Variants in PCDH15 observed in about 807,000 individuals in gnomAD.
PCDH15 encodes the protein protocadherin-15.
Under a neutral mutation model 178.5 loss-of-function variants are expected in PCDH15, and 129 were observed. The ratio of observed to expected loss-of-function variants is 0.72; its 90% CI spans 0.63 to 0.84. The LOEUF is 0.84. Among genes scored for constraint, PCDH15 ranks in the 40% least tolerant of loss-of-function variants. PCDH15 has a pLI of 0.00. For synonymous variants in PCDH15, 800 were observed against 732.0 expected, an observed-to-expected ratio of 1.09 and a Z score of -1.50; for missense variants, 2,230 against 2,099.9, an observed-to-expected ratio of 1.06 and a Z score of -1.21.
At chr10:54,739,186 T>A (rs181217514) in intron 1 of PCDH15, among the ~76,000 whole-genome samples, 2 of 151,896 alleles carry the variant, frequency 1.3e-5, no homozygotes, top group Non-Finnish European at 2.9e-5. Context: ...AGGATTCCAC[T>A]AGAAACCGTT....
chr10:54,546,835 G>T (rs1032698930), intron 2 of PCDH15, among the ~76,000 whole-genome samples: 2 of 152,068 alleles, frequency 1.3e-5, no homozygotes. Context: ...CTTCAACACC[G>T]CATGATTCTC....
chr10:55,179,653 A>C (rs1434931663), intron 1 of PCDH15, among the ~76,000 whole-genome samples: 1 of 151,862 alleles, frequency 6.6e-6, no homozygotes, highest in East Asian at 2.0e-4. Flanking sequence ...CGCTCAATAC[A>C]ATTCTACTCT....
intron 2 of PCDH15, among the ~76,000 whole-genome samples, chr10:55,540,103 T>C (rs1841723892): frequency 6.6e-6 from 1 of 152,138 alleles, no homozygotes. Context: ...TAAAAAGCTA[T>C]CACCAATTGA....
intron 7 of PCDH15, among the ~76,000 whole-genome samples, chr10:54,319,047 G>T (rs368794863): frequency 1.3e-5 from 2 of 152,122 alleles, no homozygotes; most frequent in East Asian, 3.9e-4. Flanking sequence ...AATAATATTG[G>T]ACCTAAGTCA....
intron 3 of PCDH15, among the ~76,000 whole-genome samples, chr10:54,413,696 T>C (rs1953898545): frequency 6.6e-6 from 1 of 152,220 alleles, no homozygotes; most frequent in African/African-American, 2.4e-5. Context: ...AACTTTCTTA[T>C]ATTTCATCAT....
At chr10:53,888,000 C>T (rs1242797996) in intron 26 of PCDH15, among the ~76,000 whole-genome samples, 2 of 151,892 alleles carry the variant, frequency 1.3e-5, no homozygotes, top group Non-Finnish European at 2.9e-5. Context: ...TTAAAAACTA[C>T]AGAAATACTA....
chr10:55,254,837 A>G (rs1841946205), intron 1 of PCDH15, among the ~76,000 whole-genome samples: 1 of 152,240 alleles, frequency 6.6e-6, no homozygotes. Context: ...TATGGCAAGA[A>G]GACAAGAATA....
intron 1 of PCDH15, among the ~76,000 whole-genome samples, chr10:55,203,885 A>G (rs1043233695): frequency 6.6e-6 from 1 of 151,860 alleles, no homozygotes; most frequent in African/African-American, 2.4e-5. Flanking sequence ...TGTGTTATTT[A>G]CTGTGATTCT....
intron 2 of PCDH15, among the ~76,000 whole-genome samples, chr10:55,165,543 T>C (rs1004416521): frequency 6.6e-6 from 1 of 151,984 alleles, no homozygotes; most frequent in African/African-American, 2.4e-5. Flanking sequence ...AAGTATAAAA[T>C]GGTAAAATTA....
At chr10:54,198,691 C>T (rs1400513510) in intron 10 of PCDH15, among the ~76,000 whole-genome samples, 1 of 98,060 alleles carries the variant, frequency 1.0e-5, no homozygotes, top group African/African-American at 7.8e-5. Context: ...TTAGTAGAGA[C>T]GGGGTTTCAC....
At chr10:54,587,335 G>A (rs970453435) in intron 2 of PCDH15, among the ~76,000 whole-genome samples, 1 of 152,052 alleles carries the variant, frequency 6.6e-6, no homozygotes, top group African/African-American at 2.4e-5. Context: ...AAAGTAAAAC[G>A]TTGAGTCCAG....
At chr10:54,128,080 G>C (rs748510785) in intron 15 of PCDH15, among the ~76,000 whole-genome samples, 2 of 152,014 alleles carry the variant, frequency 1.3e-5, no homozygotes, top group Non-Finnish European at 2.9e-5. Flanking sequence ...AAATGTATTC[G>C]TTAGATGAAT....
intron 1 of PCDH15, among the ~76,000 whole-genome samples, chr10:54,751,298 C>CA (rs1946194601): frequency 6.6e-6 from 1 of 152,016 alleles, no homozygotes; most frequent in Non-Finnish European, 1.5e-5. Flanking sequence ...CGTATTTCAC[C>CA]ACTTGGTAGG....
intron 2 of PCDH15, among the ~76,000 whole-genome samples, chr10:55,043,810 G>A (rs1197952835): frequency 6.6e-6 from 1 of 151,900 alleles, no homozygotes; most frequent in African/African-American, 2.4e-5. Context: ...GTGAGTGCAG[G>A]TAAAGACTAT....
intron 2 of PCDH15, among the ~76,000 whole-genome samples, chr10:54,986,095 C>G (rs1343214937): frequency 6.6e-6 from 1 of 152,054 alleles, no homozygotes; most frequent in East Asian, 1.9e-4. Context: ...TTGTCTTATG[C>G]TCAAATGCAA....
At chr10:55,487,215 C>G (rs1449169846) in intron 2 of PCDH15, among the ~76,000 whole-genome samples, 1 of 151,562 alleles carries the variant, frequency 6.6e-6, no homozygotes, top group Non-Finnish European at 1.5e-5. Flanking sequence ...CAGTGGAATA[C>G]TTATTCACCC....
chr10:54,364,220 A>T (rs1213684355), intron 5 of PCDH15, among the ~76,000 whole-genome samples: 1 of 152,116 alleles, frequency 6.6e-6, no homozygotes, highest in African/African-American at 2.4e-5. Flanking sequence ...AAAAAAAAAA[A>T]AAAAATTGAC....
At chr10:55,418,542 G>A (rs1349521587) in intron 2 of PCDH15, among the ~76,000 whole-genome samples, 16 of 151,678 alleles carry the variant, frequency 1.1e-4, no homozygotes, top group African/African-American at 3.4e-4. Flanking sequence ...AATGTATGCT[G>A]GACTGGTGCT....
chr10:54,716,475 C>T (rs138300244), intron 1 of PCDH15, among the ~76,000 whole-genome samples: 23 of 152,174 alleles, frequency 1.5e-4, no homozygotes, highest in African/African-American at 2.9e-4. Flanking sequence ...AGGTCCTTCG[C>T]GTCCCTTGTA....
Sources: gnomAD v4.1 joint callset for allele counts (sites outside exome capture counted in the v4.1 genomes callset) on GRCh38, gnomAD v4.1.1 for gene constraint, MANE v1.5 for transcripts, NCBI Gene and HGNC (gene_info 2026-07-23, HGNC 2026-07-21) for gene names.